WLS: variants seen among roughly 807,000 people sequenced by gnomAD.
WLS encodes protein wntless homolog.
A neutral mutation model predicts 62.8 loss-of-function variants in WLS; 23 were observed. The ratio of observed to expected loss-of-function variants is 0.37; its 90% CI spans 0.26 to 0.52. The LOEUF is 0.52. Ranked by LOEUF, WLS falls within the 20% of genes least tolerant of loss-of-function variation. The pLI, the probability that WLS is intolerant of heterozygous loss-of-function variation, is 0.92. For synonymous variants in WLS, 246 were observed against 244.1 expected (o/e 1.01, Z -0.07); for missense variants, 615 against 697.3 (o/e 0.88, Z 1.33).
intron 9 of WLS, 46 bp downstream of exon 9, chr1:68,145,823 G>T (rs745645302): frequency 1.2e-6 from 2 of 1,610,588 alleles, no homozygotes; most frequent in South Asian, 1.1e-5. Context: ...CAAGTGGAAA[G>T]ATCAAGCAAG....
chr1:68,101,526 G>A (rs1646078325), intron 11 of WLS, among the ~76,000 whole-genome samples: 1 of 152,160 alleles, frequency 6.6e-6, no homozygotes, highest in African/African-American at 2.4e-5. Context: ...AGACAGAAGG[G>A]TTGCAGGGCT....
At chr1:68,153,360 A>G (rs1034625853) in intron 5 of WLS, among the ~76,000 whole-genome samples, 157 bp downstream of exon 5, 1 of 152,220 alleles carries the variant, frequency 6.6e-6, no homozygotes, top group South Asian at 2.1e-4. Context: ...CTTGCATAGG[A>G]AAACTGCAGG....
chr1:68,129,790 A>T (rs558176290), intron 11 of WLS, among the ~76,000 whole-genome samples: 9 of 152,282 alleles, frequency 5.9e-5, no homozygotes, highest in African/African-American at 2.2e-4. Context: ...GTGCACAAAC[A>T]TGCTCAAAAG....
Position 68,125,378 on chromosome 1 carries a change from G to A in WLS, c.*848C>T. 1.0e-6 allele frequency: 1 copy of A among 985,362 alleles called. No homozygotes were observed. Among genetic ancestry groups the A allele is most frequent in the Non-Finnish European group, 1.2e-6 (1 of 829,928 alleles). 61.0% of individuals were successfully genotyped at this position (985,362 alleles called of 1,614,324 possible). A position where few individuals can be genotyped will look rare whatever the true frequency, so the allele number is the denominator to read the frequency against. ...ATGTGTATGAGTTTTAGCAGGAGGG[G>A]ATATGCATGTACACATATGCATATA... On this transcript the variant is annotated 3_prime_UTR_variant, in exon 12 of 12. Transcript: ENST00000262348.
Position 68,125,953 on chromosome 1 carries a change from T to A in WLS, c.*273A>T. The A allele has an allele frequency of 8.5e-7, 1 of 1,178,482 alleles. No individual in the cohort carries two copies. 73.0% of individuals were successfully genotyped at this position (1,178,482 alleles called of 1,614,324 possible). A position where few individuals can be genotyped will look rare whatever the true frequency, so the allele number is the denominator to read the frequency against. On this transcript the variant is annotated 3_prime_UTR_variant, in exon 12 of 12. Coordinates refer to ENST00000262348, the MANE Select transcript of WLS (RefSeq NM_024911.7). ...AGGTTTACTAACCAGCTGCTACAGATGTTACTATGTCACTAATTAACAATG... is the reference window on the plus strand; with the variant it reads ...AGGTTTACTAACCAGCTGCTACAGAAGTTACTATGTCACTAATTAACAATG...
chr1:68,166,917 C>T (rs1423374665), intron 2 of WLS, among the ~76,000 whole-genome samples: 1 of 152,228 alleles, frequency 6.6e-6, no homozygotes, highest in South Asian at 2.1e-4. Flanking sequence ...CCAATAGTCT[C>T]ATAGCATCCT....
intron 11 of WLS, among the ~76,000 whole-genome samples, chr1:68,108,357 A>T (rs533896937): frequency 7.2e-4 from 109 of 152,284 alleles, no homozygotes; most frequent in African/African-American, 2.5e-3. Flanking sequence ...TTCATCTCTT[A>T]AAAGAGACCA....
At chr1:68,105,275 A>G (rs1163923021) in intron 11 of WLS, among the ~76,000 whole-genome samples, 1 of 152,218 alleles carries the variant, frequency 6.6e-6, no homozygotes, top group Non-Finnish European at 1.5e-5. Context: ...GGAAAAAGAC[A>G]TCTAACCTGA....
rs112060677 is a variant in WLS at position 68,098,971 on chromosome 1, A to G, written c.1511-218T>C. On this transcript the variant is annotated intron_variant, in intron 11 of 11. Transcript: ENST00000354777. ...AATCTCAATAGCACCTCCTCCCTCA[A>G]TTATTGTGACAATCAGTTCCTCCAC... The G allele has an allele frequency of 6.4e-3, 3,798 of 597,248 alleles. 121 individuals are homozygous for G. The African/African-American group carries it at 0.064, about 10-fold the overall frequency. 37.0% of individuals were successfully genotyped at this position (597,248 alleles called of 1,614,324 possible). A position where few individuals can be genotyped will look rare whatever the true frequency, so the allele number is the denominator to read the frequency against.
At chr1:68,154,148 A>G (rs1646865131) in intron 4 of WLS, among the ~76,000 whole-genome samples, 1 of 152,086 alleles carries the variant, frequency 6.6e-6, no homozygotes, top group Admixed American at 6.5e-5. Flanking sequence ...AAAAAGCCAC[A>G]TTTGAGGTAG....
chr1:68,226,340 G>T (rs1404808752), intron 1 of WLS, among the ~76,000 whole-genome samples: 1 of 152,016 alleles, frequency 6.6e-6, no homozygotes, highest in East Asian at 1.9e-4. Flanking sequence ...AGTTTTACTA[G>T]ATCTTTCTGC....
At chr1:68,115,761 AAT>A (rs1646283903) in intron 11 of WLS, among the ~76,000 whole-genome samples, 1 of 128,662 alleles carries the variant, frequency 7.8e-6, no homozygotes, top group African/African-American at 2.5e-5. Context: ...GAGACTTTAA[AAT>A]ATGTTTTTCT....
intron 2 of WLS, among the ~76,000 whole-genome samples, chr1:68,163,830 G>A (rs1353944782): frequency 6.6e-6 from 1 of 152,180 alleles, no homozygotes. Context: ...GTTAGTGAAA[G>A]CACTGCATGC....
intron 11 of WLS, among the ~76,000 whole-genome samples, chr1:68,110,747 GTATA>G (rs56026766): frequency 6.7e-6 from 1 of 149,684 alleles, no homozygotes; most frequent in East Asian, 2.0e-4. Flanking sequence ...ATATATGTGT[GTATA>G]TATATATATA....
At chr1:68,164,431 T>A (rs1031850281) in intron 2 of WLS, among the ~76,000 whole-genome samples, 2 of 152,078 alleles carry the variant, frequency 1.3e-5, no homozygotes, top group African/African-American at 2.4e-5. Flanking sequence ...GCTAATTTTG[T>A]ATTTTTAGCA....
At chr1:68,140,812 A>G (rs561047479) in intron 10 of WLS, among the ~76,000 whole-genome samples, 20 of 152,244 alleles carry the variant, frequency 1.3e-4, no homozygotes, top group African/African-American at 4.6e-4. Context: ...ATTCATGCCT[A>G]AGACATCCTC....
chr1:68,159,672 T>C (rs79659652), intron 2 of WLS, among the ~76,000 whole-genome samples: 1 of 152,186 alleles, frequency 6.6e-6, no homozygotes, highest in African/African-American at 2.4e-5. Flanking sequence ...CTTTCCTCTC[T>C]GATAAACATG....
chr1:68,200,112 T>A (rs935998585), intron 1 of WLS, among the ~76,000 whole-genome samples: 61 of 152,300 alleles, frequency 4.0e-4, no homozygotes, highest in African/African-American at 1.5e-3. Context: ...TAAAAAGTAA[T>A]GACTTAAAGT....
At chr1:68,192,117 T>G (rs539531289) in intron 2 of WLS, among the ~76,000 whole-genome samples, 1 of 152,246 alleles carries the variant, frequency 6.6e-6, no homozygotes, top group South Asian at 2.1e-4. Context: ...TGCCTAGCAG[T>G]GGTAGGCACT....
Sources: allele counts gnomAD v4.1 joint callset (sites outside exome capture counted in the v4.1 genomes callset), GRCh38; gene constraint gnomAD v4.1.1; transcripts MANE v1.5; gene names NCBI Gene and HGNC (gene_info 2026-07-23, HGNC 2026-07-21).